PLD5: variants seen among roughly 807,000 people sequenced by gnomAD.
PLD5 encodes the protein phospholipase D family member 5.
In PLD5, 36 loss-of-function variants were observed where a neutral mutation model predicts 61.1. That is an observed-to-expected ratio of 0.59 (90% CI 0.45 to 0.78). The LOEUF (loss-of-function observed/expected upper bound fraction) is 0.78. Among genes scored for constraint, PLD5 ranks in the 30% least tolerant of loss-of-function variants. The pLI, the probability that PLD5 is intolerant of heterozygous loss-of-function variation, is 0.00. For missense variants in PLD5, 515 were observed against 644.4 expected (o/e 0.80, Z 2.17); for synonymous variants, 243 against 242.8 (o/e 1.00, Z -0.01).
intron 1 of PLD5, among the ~76,000 whole-genome samples, chr1:242,494,091 T>TCCCCTCTCC (rs1668276643): frequency 1.6e-5 from 1 of 62,314 alleles, no homozygotes; most frequent in Admixed American, 1.8e-4. Context: ...CTGCCCTCCC[T>TCCCCTCTCC]TCCCCTCTCC....
At chr1:242,225,145 G>A (rs559025346) in intron 4 of PLD5, among the ~76,000 whole-genome samples, 1 of 152,190 alleles carries the variant, frequency 6.6e-6, no homozygotes, top group East Asian at 1.9e-4. Context: ...GTGGAACAGT[G>A]GTTTCTCTTT....
At chr1:242,164,385 C>T (rs1283598882) in intron 5 of PLD5, among the ~76,000 whole-genome samples, 1 of 136,108 alleles carries the variant, frequency 7.3e-6, no homozygotes, top group Non-Finnish European at 1.6e-5. Context: ...TAAATTTTTC[C>T]AGTGAATTGA....
At chr1:242,295,465 C>T (rs531938529) in intron 2 of PLD5, among the ~76,000 whole-genome samples, 1 of 152,296 alleles carries the variant, frequency 6.6e-6, no homozygotes, top group African/African-American at 2.4e-5. Flanking sequence ...GTGCAAAGGA[C>T]ATGATTTCAC....
At chr1:242,222,548 C>A (rs12409130) in intron 4 of PLD5, among the ~76,000 whole-genome samples, 46,167 of 152,116 alleles carry the variant, frequency 0.3, 7,301 homozygotes, top group East Asian at 0.53. Context: ...TGGCGTGGGA[C>A]ACTGTGTCTG....
chr1:242,158,684 T>G (rs1446524661), intron 5 of PLD5, among the ~76,000 whole-genome samples: 1 of 152,068 alleles, frequency 6.6e-6, no homozygotes, highest in Admixed American at 6.5e-5. Context: ...AACAGGTAAC[T>G]CAGTTGGAAA....
At chr1:242,359,807 AG>A (rs1660969197) in intron 1 of PLD5, among the ~76,000 whole-genome samples, 1 of 152,242 alleles carries the variant, frequency 6.6e-6, no homozygotes, top group Non-Finnish European at 1.5e-5. Context: ...AGCAATACAT[AG>A]AAGATAGATA....
intron 9 of PLD5, among the ~76,000 whole-genome samples, chr1:242,092,935 C>G (rs1263886327): frequency 6.6e-6 from 1 of 152,126 alleles, no homozygotes; most frequent in South Asian, 2.1e-4. Flanking sequence ...AGTCCCTAAA[C>G]CAAATATCAG....
At chr1:242,160,863 C>G (rs1290707160) in intron 5 of PLD5, among the ~76,000 whole-genome samples, 1 of 130,408 alleles carries the variant, frequency 7.7e-6, no homozygotes, top group Non-Finnish European at 1.7e-5. Flanking sequence ...CCAGCCTGAG[C>G]AACAGAGTGA....
At position 242,181,370 on chromosome 1, in the gene PLD5, T is replaced by C. The variant is rs566233845; in HGVS notation, c.735+38618A>G. On this transcript the variant is annotated intron_variant, in intron 5 of 9. Transcript: ENST00000536534. ...TAGACCCAATGGACAAATGTTTATA[T>C]GTGTAAAATATACACTGGATTTAGG... Among the ~76,000 whole-genome samples the C allele has an allele frequency of 5.3e-5, 8 of 152,352 alleles. No homozygotes were observed. In the South Asian group the frequency reaches 1.0e-3, roughly 20 times the overall value.
At chr1:242,405,588 T>A (rs1664191286) in intron 1 of PLD5, among the ~76,000 whole-genome samples, 1 of 144,562 alleles carries the variant, frequency 6.9e-6, no homozygotes, top group Non-Finnish European at 1.5e-5. Flanking sequence ...CATATGAAAC[T>A]GCCAATATTT....
chr1:242,513,254 A>T (rs1668994893), intron 1 of PLD5, among the ~76,000 whole-genome samples: 1 of 152,034 alleles, frequency 6.6e-6, no homozygotes, highest in African/African-American at 2.4e-5. Context: ...TTATTCTTTC[A>T]CTCAAGGGTC....
intron 3 of PLD5, among the ~76,000 whole-genome samples, chr1:242,266,129 A>G (rs943015896): frequency 3.3e-5 from 5 of 152,230 alleles, no homozygotes; most frequent in African/African-American, 9.6e-5. Context: ...TAATCCCAGA[A>G]CTTTGGGAGG....
At chr1:242,356,135 T>C (rs916564412) in intron 1 of PLD5, among the ~76,000 whole-genome samples, 1 of 138,022 alleles carries the variant, frequency 7.2e-6, no homozygotes, top group Non-Finnish European at 1.6e-5. Context: ...TGTTTTCTTA[T>C]TGATTTTATG....
chr1:242,257,311 T>A (rs1421263712), intron 4 of PLD5, among the ~76,000 whole-genome samples: 1 of 152,154 alleles, frequency 6.6e-6, no homozygotes, highest in Non-Finnish European at 1.5e-5. Context: ...AGCTCTATGT[T>A]TAATCACTTA....
chr1:242,110,837 T>C (rs1274891216), intron 7 of PLD5, among the ~76,000 whole-genome samples: 1 of 150,320 alleles, frequency 6.7e-6, no homozygotes, highest in East Asian at 2.0e-4. Context: ...CACCAATGGT[T>C]GAATGAATAC....
intron 1 of PLD5, among the ~76,000 whole-genome samples, chr1:242,484,853 T>C (rs1280611780): frequency 6.6e-6 from 1 of 152,192 alleles, no homozygotes; most frequent in Non-Finnish European, 1.5e-5. Flanking sequence ...CCAAAAAGCT[T>C]ATCCACCATG....
At position 242,085,591 on chromosome 1, in the gene PLD5, A is replaced by G. The variant is rs1305806402; in HGVS notation, c.*4263T>C. 2.6e-5 allele frequency: 4 copies of G among 152,228 alleles called. No homozygotes were observed. The East Asian group carries it at 5.8e-4, about 22-fold the overall frequency. The allele number at this position is 152,228 out of a possible 1,614,324, so 9.4% of individuals were successfully genotyped here. ...TCCAAATCAAATTGGAAAATTTTTT[A>G]CCTTGGGCCAAATGGAAGTTATATT... On this transcript the variant is annotated 3_prime_UTR_variant, in exon 10 of 10. Transcript: ENST00000536534.
intron 1 of PLD5, among the ~76,000 whole-genome samples, chr1:242,484,929 C>T (rs1307427144): frequency 1.3e-5 from 2 of 152,126 alleles, no homozygotes; most frequent in African/African-American, 2.4e-5. Context: ...AAATGTAATC[C>T]AGCATATAAA....
chr1:242,251,351 A>ACTCT (rs1187727980), intron 4 of PLD5, among the ~76,000 whole-genome samples: 1 of 152,302 alleles, frequency 6.6e-6, no homozygotes, highest in East Asian at 1.9e-4. Context: ...GGCAAAAGAG[A>ACTCT]CTGAGAAAGC....
Sources: gnomAD v4.1 joint callset for allele counts (sites outside exome capture counted in the v4.1 genomes callset) on GRCh38, gnomAD v4.1.1 for gene constraint, MANE v1.5 for transcripts, NCBI Gene and HGNC (gene_info 2026-07-23, HGNC 2026-07-21) for gene names.